The following EXOC6B variants were observed in gnomAD, a reference collection of about 807,000 sequenced individuals.
The protein encoded by EXOC6B is SEC15 homolog B.
In EXOC6B, 54 loss-of-function variants were observed where a neutral mutation model predicts 113.5. That is an observed-to-expected ratio of 0.48 (90% CI 0.38 to 0.60). The LOEUF is 0.60. EXOC6B is among the 20% of genes least tolerant of loss of function. EXOC6B has a pLI of 0.00. For missense variants in EXOC6B, 797 were observed against 977.5 expected (o/e 0.82, Z 2.46); for synonymous variants, 357 against 339.0 (o/e 1.05, Z -0.58).
intron 18 of EXOC6B, among the ~76,000 whole-genome samples, chr2:72,439,389 A>G (rs1696063447): frequency 6.6e-6 from 1 of 152,058 alleles, no homozygotes; most frequent in Non-Finnish European, 1.5e-5. Flanking sequence ...GTAGATTCCC[A>G]TGCTTTTTGG....
intron 6 of EXOC6B, among the ~76,000 whole-genome samples, chr2:72,593,942 C>T (rs2103951219): frequency 6.6e-6 from 1 of 152,186 alleles, no homozygotes. Flanking sequence ...ACTGTTCGTT[C>T]CCTAGTAAAT....
intron 7 of EXOC6B, among the ~76,000 whole-genome samples, chr2:72,564,614 G>C (rs1704060973): frequency 6.6e-6 from 1 of 152,098 alleles, no homozygotes; most frequent in African/African-American, 2.4e-5. Context: ...GGAAATGTCT[G>C]GCAAACATTT....
At chr2:72,788,687 A>C (rs1036576455) in intron 1 of EXOC6B, among the ~76,000 whole-genome samples, 7 of 152,042 alleles carry the variant, frequency 4.6e-5, no homozygotes, top group Non-Finnish European at 8.8e-5. Context: ...AGTCCCAGCT[A>C]CTCCAGAGGC....
intron 20 of EXOC6B, among the ~76,000 whole-genome samples, chr2:72,184,883 G>A (rs1282984493): frequency 1.1e-4 from 16 of 152,212 alleles, no homozygotes; most frequent in Admixed American, 1.0e-3. Flanking sequence ...CCATGATTGA[G>A]GACACAGAGT....
In EXOC6B at chr2:72,179,282, C is replaced by T; in HGVS notation, c.*53G>A. The T allele has an allele frequency of 6.6e-7, 1 of 1,513,164 alleles. No individual in the cohort carries two copies. The allele number at this position is 1,513,164 out of a possible 1,614,324, so 93.7% of individuals were successfully genotyped here. On this transcript the variant is annotated 3_prime_UTR_variant, in exon 22 of 22. Coordinates refer to ENST00000272427, the MANE Select transcript of EXOC6B (RefSeq NM_015189.3). ...TGCAGGGTCAGCTGGGGCTGGACCC[C>T]AGACTGACACAGAGGCTGCAGCAGG... is the stretch of plus-strand genomic sequence containing the variant.
intron 1 of EXOC6B, among the ~76,000 whole-genome samples, chr2:72,746,394 T>C (rs1183940616): frequency 6.6e-6 from 1 of 152,034 alleles, no homozygotes. Flanking sequence ...TGGAGTCTGG[T>C]TTCCAAAAAC....
intron 6 of EXOC6B, among the ~76,000 whole-genome samples, chr2:72,625,280 T>C (rs1347152988): frequency 6.6e-6 from 1 of 150,910 alleles, no homozygotes. Context: ...TACCTAAAAA[T>C]ATATATATAT....
chr2:72,496,378 A>T, intron 14 of EXOC6B, 76 bp downstream of exon 14: 1 of 829,312 alleles, frequency 1.2e-6, no homozygotes, highest in East Asian at 2.7e-5. Context: ...TAATGCTTTC[A>T]ATCAAACTGA....
intron 1 of EXOC6B, among the ~76,000 whole-genome samples, chr2:72,804,167 T>G (rs1363506555): frequency 2.6e-5 from 4 of 152,232 alleles, no homozygotes; most frequent in African/African-American, 7.2e-5. Context: ...TGATACTGCT[T>G]TCACTAGTGA....
At chr2:72,272,328 C>T (rs933227905) in intron 20 of EXOC6B, among the ~76,000 whole-genome samples, 1 of 152,062 alleles carries the variant, frequency 6.6e-6, no homozygotes, top group African/African-American at 2.4e-5. Context: ...CAGTATGCAG[C>T]CTGTTTGGTG....
At chr2:72,371,341 C>T (rs1691000606) in intron 19 of EXOC6B, among the ~76,000 whole-genome samples, 3 of 152,142 alleles carry the variant, frequency 2.0e-5, no homozygotes. Flanking sequence ...ACTCATTCTA[C>T]AAGATCAGTA....
intron 6 of EXOC6B, among the ~76,000 whole-genome samples, chr2:72,642,740 C>G (rs1485145386): frequency 6.6e-6 from 1 of 151,214 alleles, no homozygotes; most frequent in Non-Finnish European, 1.5e-5. Flanking sequence ...ACAGCAATGG[C>G]AACAAAAGAC....
rs564617211 is a variant in EXOC6B, at chr2:72,365,683, G to C, written c.2122+14046C>G. Among the ~76,000 whole-genome samples, 4 of 152,268 alleles carry C rather than the reference G, an allele frequency of 2.6e-5. No individual in the cohort carries two copies. The East Asian group carries it at 7.7e-4, about 29-fold the overall frequency. Reference sequence around the variant, plus strand: ...CTACAGAAAGGTCCTTTCGGTATTTGGTGGAGTACTAATTTGTGTTTGTAG... The same window carrying C: ...CTACAGAAAGGTCCTTTCGGTATTTCGTGGAGTACTAATTTGTGTTTGTAG... On this transcript the variant is annotated intron_variant, in intron 19 of 21. Coordinates refer to ENST00000272427, the MANE Select transcript of EXOC6B (RefSeq NM_015189.3).
intron 6 of EXOC6B, among the ~76,000 whole-genome samples, chr2:72,597,488 T>C (rs1670144372): frequency 6.6e-6 from 1 of 151,530 alleles, no homozygotes; most frequent in South Asian, 2.1e-4. Flanking sequence ...AAATACTCAA[T>C]TAAAAACCAT....
At chr2:72,536,176 C>T (rs1322804596) in intron 8 of EXOC6B, among the ~76,000 whole-genome samples, 1 of 152,118 alleles carries the variant, frequency 6.6e-6, no homozygotes, top group Non-Finnish European at 1.5e-5. Flanking sequence ...CATTTCCAAT[C>T]CCATTCCCCT....
rs151194487 is a variant in EXOC6B at position 72,603,760 on chromosome 2, C to T, written c.670-28092G>A. On this transcript the variant is annotated intron_variant, in intron 6 of 21. Transcript: ENST00000272427. ...GTCAATACTGAAGCAATGCTGACTA[C>T]TTCTCCCTAGGAAAACTGGAGGTTG... is the stretch of plus-strand genomic sequence containing the variant. Among the ~76,000 whole-genome samples, 615 of 152,282 alleles carry T rather than the reference C, an allele frequency of 4.0e-3. 5 individuals are homozygous for T. The highest frequency in any genetic ancestry group is 0.012 in the African/African-American group (516 of 41,554).
At chr2:72,623,685 C>T (rs2104208418) in intron 6 of EXOC6B, among the ~76,000 whole-genome samples, 1 of 152,282 alleles carries the variant, frequency 6.6e-6, no homozygotes. Context: ...AGCTGACCAG[C>T]ACCTTAATTA....
chr2:72,742,829 T>C (rs751801035), intron 1 of EXOC6B, among the ~76,000 whole-genome samples: 2 of 152,218 alleles, frequency 1.3e-5, no homozygotes, highest in African/African-American at 2.4e-5. Flanking sequence ...TCTGTAGTGC[T>C]GATTTCCTAA....
At chr2:72,210,583 G>A (rs1313170807) in intron 20 of EXOC6B, among the ~76,000 whole-genome samples, 3 of 152,148 alleles carry the variant, frequency 2.0e-5, no homozygotes, top group Non-Finnish European at 4.4e-5. Context: ...TGTTTTCCAG[G>A]ATACCTACCT....
Sources: allele counts gnomAD v4.1 joint callset (sites outside exome capture counted in the v4.1 genomes callset), GRCh38; gene constraint gnomAD v4.1.1; transcripts MANE v1.5; gene names NCBI Gene and HGNC (gene_info 2026-07-23, HGNC 2026-07-21).